COL27A1: variants seen among roughly 807,000 people sequenced by gnomAD.
The protein encoded by COL27A1 is collagen type XXVII alpha 1 chain, also known as collagen alpha-1(XXVII) chain.
In COL27A1, 106 loss-of-function variants were observed where a neutral mutation model predicts 251.3. The observed-to-expected ratio is 0.42, with a 90% CI of 0.36 to 0.50. The LOEUF (loss-of-function observed/expected upper bound fraction) is 0.50, where lower values mean the gene tolerates loss of function less well. COL27A1 is among the 20% of genes least tolerant of loss of function. The pLI is 0.00. For missense variants in COL27A1, 2,325 were observed against 2,522.8 expected (o/e 0.92, Z 1.68); for synonymous variants, 1,000 against 986.3 (o/e 1.01, Z -0.26).
At chr9:114,234,518 G>A (rs1274325836) in intron 16 of COL27A1, among the ~76,000 whole-genome samples, 10 of 152,096 alleles carry the variant, frequency 6.6e-5, no homozygotes. Flanking sequence ...TGGATAGAGT[G>A]AGGCCAGGGC....
intron 41 of COL27A1, among the ~76,000 whole-genome samples, chr9:114,286,259 G>T (rs1443616660): frequency 2.0e-5 from 3 of 152,160 alleles, no homozygotes; most frequent in Non-Finnish European, 4.4e-5. Context: ...ACACGCCCAC[G>T]TGCAGAGTTC....
Position 114,169,369 on chromosome 9 carries a change from C to A in COL27A1, c.1814C>A (p.Thr605Lys), listed in dbSNP as rs372013019. ...TTCCTGTCCTCCAGCCCCCGGCCCA[C>A]GAGCAGTGGCTATTCGATCTTCCAC... is the stretch of plus-strand genomic sequence containing the variant. ...AQFLSSSPRP[T>K]SSGYSIFHLA... Residue 605 changes from threonine (T) to lysine (K), a missense_variant, in exon 3 of 61, where the codon ACG becomes AAG. Around this residue, in one of 4 missense-constraint regions of COL27A1, gnomAD observed 1,183 missense variants for 1,144.1 expected, o/e 1.03. Coordinates refer to ENST00000356083, the MANE Select transcript of COL27A1 (RefSeq NM_032888.4). The A allele has an allele frequency of 1.9e-6, 3 of 1,611,420 alleles. No individual in the cohort carries two copies. Among genetic ancestry groups the A allele is most frequent in the Non-Finnish European group, 2.5e-6 (3 of 1,179,380 alleles).
At chr9:114,195,038 C>T (rs1829018981) in intron 6 of COL27A1, among the ~76,000 whole-genome samples, 1 of 152,196 alleles carries the variant, frequency 6.6e-6, no homozygotes, top group Non-Finnish European at 1.5e-5. Flanking sequence ...GGAGGGAGTG[C>T]AGGACAGATG....
At chr9:114,306,755 G>C in intron 58 of COL27A1, 67 bp downstream of exon 58, 1 of 1,555,632 alleles carries the variant, frequency 6.4e-7, no homozygotes, top group Middle Eastern at 1.8e-4. Context: ...TGGAGTATTT[G>C]ATTTCCGCCG....
At chr9:114,191,181 T>C (rs1828721794) in intron 5 of COL27A1, among the ~76,000 whole-genome samples, 1 of 152,218 alleles carries the variant, frequency 6.6e-6, no homozygotes, top group South Asian at 2.1e-4. Context: ...GTTTTTCATC[T>C]GCAGTATATC....
intron 49 of COL27A1, among the ~76,000 whole-genome samples, chr9:114,294,520 C>T (rs1278545062): frequency 6.6e-6 from 1 of 152,158 alleles, no homozygotes; most frequent in Admixed American, 6.5e-5. Context: ...ATCTTAGGAA[C>T]ACAAGGATGG....
intron 16 of COL27A1, among the ~76,000 whole-genome samples, chr9:114,234,545 G>A (rs1170449764): frequency 6.6e-6 from 1 of 152,068 alleles, no homozygotes; most frequent in Non-Finnish European, 1.5e-5. Flanking sequence ...AGGTGGTTTC[G>A]GCCCTAAGGG....
rs768770036 is a variant in COL27A1, at chr9:114,231,876, A to G, written c.2565+10A>G. On this transcript the variant is annotated intron_variant, in intron 16 of 60. Coordinates refer to ENST00000356083, the MANE Select transcript of COL27A1 (RefSeq NM_032888.4). ...ACTGAAAGGTGATAAGGTGATCTGA[A>G]TACTCCCTTATTGCACTGTGGTTTC... 2 of 1,613,670 alleles carry G rather than the reference A, an allele frequency of 1.2e-6. No individual in the cohort carries two copies. Among genetic ancestry groups the G allele is most frequent in the Non-Finnish European group, 1.7e-6 (2 of 1,179,650 alleles).
intron 36 of COL27A1, 158 bp downstream of exon 36, chr9:114,270,939 T>C (rs10118121): frequency 0.41 from 256,965 of 633,066 alleles, 54,216 homozygotes; most frequent in Admixed American, 0.51. Flanking sequence ...GTCAGCAGTG[T>C]CCAGCAGCCA....
chr9:114,256,800 T>C (rs1833950795), intron 27 of COL27A1, among the ~76,000 whole-genome samples: 1 of 152,242 alleles, frequency 6.6e-6, no homozygotes, highest in Non-Finnish European at 1.5e-5. Flanking sequence ...CAAACTGGCA[T>C]GTGAGCCCGG....
chr9:114,210,841 C>A, intron 11 of COL27A1, 141 bp from the exon 12 acceptor site: 1 of 753,882 alleles, frequency 1.3e-6, no homozygotes, highest in South Asian at 1.6e-5. Context: ...ATGTGCATGT[C>A]ACTGGGGCCG....
At chr9:114,267,474 C>T in intron 33 of COL27A1, 30 bp from the exon 34 acceptor site, 2 of 1,595,556 alleles carry the variant, frequency 1.3e-6, no homozygotes, top group Non-Finnish European at 1.7e-6. Flanking sequence ...AGCTCTTGCT[C>T]TAGGAGGGAC....
At chr9:114,164,519 T>G (rs947234075) in intron 2 of COL27A1, among the ~76,000 whole-genome samples, 1 of 152,186 alleles carries the variant, frequency 6.6e-6, no homozygotes, top group Admixed American at 6.5e-5. Context: ...CCATGCTGCC[T>G]GGCCCAGCCA....
At chr9:114,307,330 G>C (rs868406044) in intron 58 of COL27A1, 11 of 226,928 alleles carry the variant, frequency 4.8e-5, no homozygotes, top group African/African-American at 2.6e-4. Context: ...CCTAGGCCTC[G>C]AAGAATCCAT....
intron 12 of COL27A1, among the ~76,000 whole-genome samples, chr9:114,219,565 T>G (rs1830938230): frequency 6.6e-6 from 1 of 152,230 alleles, no homozygotes; most frequent in African/African-American, 2.4e-5. Context: ...GGTATCATTT[T>G]CTTTTCAGAG....
chr9:114,258,354 C>T (rs1047646889), intron 27 of COL27A1, among the ~76,000 whole-genome samples, 187 bp from the exon 28 acceptor site: 8 of 152,162 alleles, frequency 5.3e-5, no homozygotes, highest in Non-Finnish European at 1.2e-4. Flanking sequence ...CTGTGGCTCG[C>T]CTGCTGCTTT....
intron 39 of COL27A1, among the ~76,000 whole-genome samples, chr9:114,282,769 G>A (rs532829801): frequency 2.0e-5 from 3 of 152,344 alleles, no homozygotes; most frequent in Non-Finnish European, 4.4e-5. Flanking sequence ...CTCCGGAACA[G>A]TATACACCAC....
intron 36 of COL27A1, chr9:114,273,119 C>G (rs1835258628): frequency 6.6e-6 from 1 of 152,192 alleles, no homozygotes; most frequent in African/African-American, 2.4e-5. Context: ...GGAGTGTGGT[C>G]TTAGGCAGAG....
chr9:114,178,425 C>G, intron 4 of COL27A1, 81 bp downstream of exon 4: 1 of 1,292,126 alleles, frequency 7.7e-7, no homozygotes. Flanking sequence ...CTCGGGTTTG[C>G]TGTGTGTCCT....
Sources: allele counts gnomAD v4.1 joint callset (sites outside exome capture counted in the v4.1 genomes callset), GRCh38; gene constraint gnomAD v4.1.1; regional missense constraint gnomAD v4.1.1; transcripts MANE v1.5; gene names NCBI Gene and HGNC (gene_info 2026-07-23, HGNC 2026-07-21).